Variants in HTR1F observed in about 807,000 individuals in gnomAD.
The protein encoded by HTR1F is 5-hydroxytryptamine receptor 1F.
HTR1F carries 17 observed loss-of-function variants against 24.0 expected under a neutral mutation model. That is an observed-to-expected ratio of 0.71 (90% CI 0.48 to 1.06). The LOEUF (loss-of-function observed/expected upper bound fraction) is 1.06, where lower values mean the gene tolerates loss of function less well. Ranked by LOEUF, HTR1F falls within the 50% of genes least tolerant of loss-of-function variation. HTR1F has a pLI of 0.00. For missense variants in HTR1F, 391 were observed against 427.8 expected, an observed-to-expected ratio of 0.91 and a Z score of 0.76; for synonymous variants, 186 against 156.8, an observed-to-expected ratio of 1.19 and a Z score of -1.39.
At chr3:87,901,892 T>A (rs773386040) in intron 2 of HTR1F, among the ~76,000 whole-genome samples, 7 of 152,046 alleles carry the variant, frequency 4.6e-5, no homozygotes, top group Non-Finnish European at 8.8e-5. Context: ...TAACAAAAGA[T>A]CAGCACGACC....
chr3:87,834,463 A>G (rs1248984116), intron 2 of HTR1F, among the ~76,000 whole-genome samples: 1 of 151,484 alleles, frequency 6.6e-6, no homozygotes, highest in Non-Finnish European at 1.5e-5. Flanking sequence ...GCTATTTCCC[A>G]TTAGTCTGTT....
Position 87,970,597 on chromosome 3 carries a change from C to T in HTR1F, c.-42-20111C>T, listed in dbSNP as rs543235925. ...GCTGAGAACCAAAAAATTGTGTGTA[C>T]TAAGGGCAGAATTTCTGTGATCAAT... On this transcript the variant is annotated intron_variant, in intron 2 of 2. Coordinates refer to ENST00000319595, the MANE Select transcript of HTR1F (RefSeq NM_001322209.2). 4.6e-5 allele frequency among the ~76,000 whole-genome samples: 7 copies of T among 152,262 alleles called. No homozygotes were observed. In the South Asian group the frequency reaches 1.5e-3, roughly 32 times the overall value.
At chr3:87,812,893 C>T (rs1361422291) in intron 1 of HTR1F, among the ~76,000 whole-genome samples, 1 of 152,228 alleles carries the variant, frequency 6.6e-6, no homozygotes, top group Non-Finnish European at 1.5e-5. Flanking sequence ...GGTGCTGGGT[C>T]TGCATGTGCA....
chr3:87,896,795 A>T (rs1317277526), intron 2 of HTR1F, among the ~76,000 whole-genome samples: 1 of 152,198 alleles, frequency 6.6e-6, no homozygotes, highest in Non-Finnish European at 1.5e-5. Flanking sequence ...AGATGGGAAA[A>T]TGGCCAGCAG....
chr3:87,877,844 G>T (rs2107272547), intron 2 of HTR1F, among the ~76,000 whole-genome samples: 2 of 152,280 alleles, frequency 1.3e-5, no homozygotes, highest in Middle Eastern at 3.4e-3. Flanking sequence ...AAGGATAAGA[G>T]AACGGGGAAA....
At chr3:87,803,397 G>C (rs1353833788) in intron 1 of HTR1F, among the ~76,000 whole-genome samples, 1 of 152,036 alleles carries the variant, frequency 6.6e-6, no homozygotes, top group Admixed American at 6.6e-5. Context: ...ACTAAAAGCA[G>C]GTGCAACATC....
intron 2 of HTR1F, among the ~76,000 whole-genome samples, chr3:87,841,868 C>T (rs1167622552): frequency 6.9e-6 from 1 of 144,656 alleles, no homozygotes; most frequent in African/African-American, 2.6e-5. Context: ...CCACTCCACT[C>T]CTGCCTGGGC....
intron 2 of HTR1F, among the ~76,000 whole-genome samples, chr3:87,867,791 TAC>T (rs1186650615): frequency 3.3e-5 from 5 of 152,170 alleles, no homozygotes; most frequent in Non-Finnish European, 7.4e-5. Context: ...TTTAAAATGG[TAC>T]CACATTGTAC....
chr3:87,805,804 A>C (rs1303452922), intron 1 of HTR1F, among the ~76,000 whole-genome samples: 1 of 152,146 alleles, frequency 6.6e-6, no homozygotes, highest in Non-Finnish European at 1.5e-5. Flanking sequence ...GGAACTTAAA[A>C]AAAGAAAAGA....
intron 2 of HTR1F, among the ~76,000 whole-genome samples, chr3:87,980,061 C>G (rs1366144538): frequency 2.6e-5 from 4 of 152,220 alleles, no homozygotes; most frequent in African/African-American, 9.6e-5. Flanking sequence ...TGGCAAGCAG[C>G]AGGGTGTGTT....
intron 2 of HTR1F, among the ~76,000 whole-genome samples, chr3:87,832,644 T>G (rs1704606995): frequency 6.6e-6 from 1 of 152,168 alleles, no homozygotes. Context: ...CCCCTTCTTG[T>G]AAGAATTGTT....
chr3:87,934,522 T>C (rs557415358), intron 2 of HTR1F, among the ~76,000 whole-genome samples: 72 of 152,294 alleles, frequency 4.7e-4, no homozygotes, highest in African/African-American at 1.6e-3. Context: ...AAACCCCAGC[T>C]CCTGTGCATC....
intron 2 of HTR1F, among the ~76,000 whole-genome samples, chr3:87,952,331 A>G (rs1036037760): frequency 6.6e-6 from 1 of 152,052 alleles, no homozygotes; most frequent in African/African-American, 2.4e-5. Context: ...TTTCTAAAGC[A>G]TTTAATTCAT....
At chr3:87,913,078 A>G (rs1302356122) in intron 2 of HTR1F, among the ~76,000 whole-genome samples, 3 of 152,162 alleles carry the variant, frequency 2.0e-5, no homozygotes, top group East Asian at 1.9e-4. Context: ...AAAAGCAAAA[A>G]TTAACAAATC....
At chr3:87,970,642 G>A (rs188798758) in intron 2 of HTR1F, among the ~76,000 whole-genome samples, 160 of 152,274 alleles carry the variant, frequency 1.1e-3, no homozygotes, top group Non-Finnish European at 1.6e-3. Flanking sequence ...TAAGAGCTCT[G>A]CCTTGAAATT....
At chr3:87,832,658 C>T (rs1406522891) in intron 2 of HTR1F, among the ~76,000 whole-genome samples, 1 of 152,144 alleles carries the variant, frequency 6.6e-6, no homozygotes, top group African/African-American at 2.4e-5. Flanking sequence ...AATTGTTCAT[C>T]AGAGTAACTA....
intron 2 of HTR1F, among the ~76,000 whole-genome samples, chr3:87,937,083 CAA>C (rs35169317): frequency 4.4e-5 from 5 of 113,884 alleles, no homozygotes; most frequent in South Asian, 3.0e-4. Context: ...TGAAACTACC[CAA>C]AAAAAAAAAA....
At chr3:87,924,308 G>C (rs193191270) in intron 2 of HTR1F, among the ~76,000 whole-genome samples, 2 of 152,034 alleles carry the variant, frequency 1.3e-5, no homozygotes, top group Admixed American at 6.6e-5. Flanking sequence ...TACTTGTAAG[G>C]TTCTTATTGA....
chr3:87,932,222 T>G (rs1006231014), intron 2 of HTR1F, among the ~76,000 whole-genome samples: 4 of 152,164 alleles, frequency 2.6e-5, no homozygotes, highest in African/African-American at 4.8e-5. Flanking sequence ...AATTTTTGTA[T>G]AAGGTGTAAG....
Sources: allele counts gnomAD v4.1 joint callset (sites outside exome capture counted in the v4.1 genomes callset), GRCh38; gene constraint gnomAD v4.1.1; transcripts MANE v1.5; gene names NCBI Gene and HGNC (gene_info 2026-07-23, HGNC 2026-07-21).